The following TRPM6 variants were observed in gnomAD, a reference collection of about 807,000 sequenced individuals.
TRPM6 encodes channel kinase 2.
In TRPM6, 111 loss-of-function variants were observed where a neutral mutation model predicts 247.6. The observed-to-expected ratio is 0.45, with a 90% CI of 0.38 to 0.52. The LOEUF (loss-of-function observed/expected upper bound fraction) is 0.52, where lower values mean the gene tolerates loss of function less well. Among genes scored for constraint, TRPM6 ranks in the 20% least tolerant of loss-of-function variants. The probability of loss-of-function intolerance (pLI) is 0.00; values close to 1 mark genes in which losing one functional copy is unlikely to be tolerated. For synonymous variants in TRPM6, 892 were observed against 853.8 expected, an observed-to-expected ratio of 1.04 and a Z score of -0.78; for missense variants, 2,126 against 2,421.5, an observed-to-expected ratio of 0.88 and a Z score of 2.56.
At chr9:74,739,223 C>G in intron 35 of TRPM6, 144 bp downstream of exon 35, 1 of 836,096 alleles carries the variant, frequency 1.2e-6, no homozygotes, top group Non-Finnish European at 2.0e-6. Context: ...TTTTGCCAGT[C>G]TCCGAAATTA....
At chr9:74,755,619 T>C in intron 27 of TRPM6, 146 bp from the exon 28 acceptor site, 1 of 1,006,128 alleles carries the variant, frequency 9.9e-7, no homozygotes, top group Non-Finnish European at 1.5e-6. Flanking sequence ...ACAAATCCCA[T>C]CACTTAGGCT....
At chr9:74,773,431 C>T (rs1290782268) in intron 24 of TRPM6, among the ~76,000 whole-genome samples, 2 of 152,146 alleles carry the variant, frequency 1.3e-5, no homozygotes, top group East Asian at 1.9e-4. Flanking sequence ...CAGCTGTATA[C>T]CTTCTCTGAC....
chr9:74,824,905 C>G (rs1343497292), intron 7 of TRPM6, among the ~76,000 whole-genome samples: 1 of 150,796 alleles, frequency 6.6e-6, no homozygotes, highest in East Asian at 1.9e-4. Context: ...TTAAAGTATT[C>G]TCTGCCAACA....
chr9:74,731,078 C>T (rs1424445171), intron 37 of TRPM6, among the ~76,000 whole-genome samples: 1 of 152,088 alleles, frequency 6.6e-6, no homozygotes, highest in African/African-American at 2.4e-5. Flanking sequence ...TTTTAAGTTC[C>T]CTAGGTGACT....
At position 74,837,748 on chromosome 9, in the gene TRPM6, CTTTT is replaced by C. The variant is rs3056761; in HGVS notation, c.544+2272_544+2275del. 1.7e-3 allele frequency among the ~76,000 whole-genome samples: 236 copies of C among 137,348 alleles called. 2 individuals are homozygous for C. Among genetic ancestry groups the C allele is most frequent in the Middle Eastern group, 3.8e-3 (1 of 262 alleles). 90.1% of individuals were successfully genotyped at this position (137,348 alleles called of 152,430 possible). ...GGTGTGAGCCACCACGCCCGGCCCC[CTTTT>C]TTTTTTTTTTTTTTTTAAGACAGGG... On this transcript the variant is annotated intron_variant, in intron 5 of 38. Transcript: ENST00000360774.
chr9:74,800,554 C>T, intron 16 of TRPM6, 72 bp from the exon 17 acceptor site: 1 of 1,012,164 alleles, frequency 9.9e-7, no homozygotes, highest in South Asian at 1.3e-5. Flanking sequence ...CATTTTAGAA[C>T]ATTTAGAAAC....
Position 74,755,474 on chromosome 9 carries a change from C to A in TRPM6, c.4786-1G>T. 6.2e-7 allele frequency: 1 copy of A among 1,613,994 alleles called. No individual in the cohort carries two copies. ...GAGAGCAGGCATTGACTGTTATGAT[C>A]TGGAGAGAAAGACACTTGTTGGAAC... On this transcript the variant is annotated splice_acceptor_variant, in intron 27 of 38. Coordinates refer to ENST00000360774, the MANE Select transcript of TRPM6 (RefSeq NM_017662.5). LOFTEE classifies it high-confidence loss of function.
At chr9:74,838,779 C>T (rs1298887075) in intron 5 of TRPM6, among the ~76,000 whole-genome samples, 2 of 151,920 alleles carry the variant, frequency 1.3e-5, no homozygotes, top group Non-Finnish European at 2.9e-5. Context: ...GCAGGGCATG[C>T]CAAATCAAAA....
At chr9:74,761,970 T>C (rs1194956773) in intron 26 of TRPM6, 29 bp downstream of exon 26, 3 of 1,606,124 alleles carry the variant, frequency 1.9e-6, no homozygotes, top group Non-Finnish European at 1.7e-6. Context: ...AAGGACTTAA[T>C]GCTGATATTT....
At chr9:74,808,208 T>G in intron 13 of TRPM6, 34 bp from the exon 14 acceptor site, 1 of 1,613,482 alleles carries the variant, frequency 6.2e-7, no homozygotes. Flanking sequence ...TTTTAACTTT[T>G]AGTTATCTTC....
chr9:74,880,693 G>A (rs777484622), intron 1 of TRPM6, among the ~76,000 whole-genome samples: 1 of 152,086 alleles, frequency 6.6e-6, no homozygotes, highest in Non-Finnish European at 1.5e-5. Context: ...GTTTCAGCAA[G>A]TCCTGCACAT....
chr9:74,822,678 C>CT (rs1268440219), intron 7 of TRPM6, among the ~76,000 whole-genome samples: 1 of 151,920 alleles, frequency 6.6e-6, no homozygotes, highest in South Asian at 2.1e-4. Flanking sequence ...TATATATTAC[C>CT]TTTTTTTCTT....
intron 8 of TRPM6, among the ~76,000 whole-genome samples, chr9:74,820,736 ATT>A (rs1308691147): frequency 6.6e-6 from 1 of 152,134 alleles, no homozygotes; most frequent in East Asian, 1.9e-4. Context: ...CCCTGCCTCT[ATT>A]TTTACATTTA....
intron 19 of TRPM6, among the ~76,000 whole-genome samples, chr9:74,789,089 C>T (rs1008005670): frequency 1.3e-5 from 2 of 152,136 alleles, no homozygotes; most frequent in African/African-American, 4.8e-5. Context: ...CAGGTCTTCC[C>T]CTCCATCTTA....
intron 1 of TRPM6, chr9:74,887,281 C>A: frequency 2.2e-6 from 3 of 1,353,240 alleles, no homozygotes; most frequent in Non-Finnish European, 2.8e-6. Flanking sequence ...GAACACTGGG[C>A]GCACGGGGAC....
Position 74,762,541 on chromosome 9 carries a change from T to C in TRPM6, c.4130A>G (p.Gln1377Arg), listed in dbSNP as rs760337448. 6 of 1,614,096 alleles carry C rather than the reference T, an allele frequency of 3.7e-6. No individual in the cohort carries two copies. In the Admixed American group the frequency reaches 6.7e-5, roughly 18 times the overall value. The change falls in exon 26 of 39, where the codon CAG becomes CGG. Residue 1377 changes from glutamine to arginine, a missense_variant. By Grantham distance (43) the Gln-to-Arg change is conservative (BLOSUM62 1). Around this residue, in one of 3 missense-constraint regions of TRPM6, gnomAD observed 717 missense variants for 715.9 expected, o/e 1.00. Coordinates refer to ENST00000360774, the MANE Select transcript of TRPM6 (RefSeq NM_017662.5). ...AACAAGAACCTCAGTCTGGATGTCC[T>C]GTTCAGTTGCCAGCACATCTGGCAC... is the stretch of plus-strand genomic sequence containing the variant. ...PSVPDVLATEQDIQTEVLVHL... is the reference protein window; with the variant it reads ...PSVPDVLATERDIQTEVLVHL...
chr9:74,831,667 C>T lies in TRPM6; in HGVS notation c.669+2331G>A, dbSNP rs141344837. Reference sequence around the variant, plus strand: ...AGGAGACATCTTGAAAACACTCCACCGGCCAAAATGGGATAATTTGAACAT... The same window carrying T: ...AGGAGACATCTTGAAAACACTCCACTGGCCAAAATGGGATAATTTGAACAT... On this transcript the variant is annotated intron_variant, in intron 6 of 38. Coordinates refer to ENST00000360774, the MANE Select transcript of TRPM6 (RefSeq NM_017662.5). 4.1e-3 allele frequency among the ~76,000 whole-genome samples: 623 copies of T among 152,118 alleles called. 3 individuals are homozygous for T. Among genetic ancestry groups the T allele is most frequent in the African/African-American group, 0.014 (580 of 41,496 alleles).
In TRPM6 at chr9:74,752,371, T is replaced by G; in HGVS notation, c.4907-3A>C. Reference sequence around the variant, plus strand: ...CTGATGTATGTAAGGTTCTACACCTTGTAAAGAGGAAGAGAAAGATTAGAA... The same window carrying G: ...CTGATGTATGTAAGGTTCTACACCTGGTAAAGAGGAAGAGAAAGATTAGAA... On this transcript the variant is annotated splice_region_variant and splice_polypyrimidine_tract_variant and intron_variant, in intron 28 of 38. Coordinates refer to ENST00000360774, the MANE Select transcript of TRPM6 (RefSeq NM_017662.5). 1 of 1,494,758 alleles carries G rather than the reference T, an allele frequency of 6.7e-7. No individual in the cohort carries two copies. The highest frequency in any genetic ancestry group is 9.3e-7 in the Non-Finnish European group (1 of 1,080,196). The allele number at this position is 1,494,758 out of a possible 1,614,324, so 92.6% of individuals were successfully genotyped here. A position where few individuals can be genotyped will look rare whatever the true frequency, so the allele number is the denominator to read the frequency against.
intron 11 of TRPM6, among the ~76,000 whole-genome samples, chr9:74,814,324 G>A (rs1296205104): frequency 6.6e-6 from 1 of 151,888 alleles, no homozygotes; most frequent in Admixed American, 6.6e-5. Context: ...GGGGGATAAG[G>A]GGGATAATTA....
Sources: gnomAD v4.1 joint callset for allele counts (sites outside exome capture counted in the v4.1 genomes callset) on GRCh38, gnomAD v4.1.1 for gene constraint, gnomAD v4.1.1 regional missense constraint, MANE v1.5 for transcripts, NCBI Gene and HGNC (gene_info 2026-07-23, HGNC 2026-07-21) for gene names.